DYNC2H1: variants seen among roughly 807,000 people sequenced by gnomAD.
DYNC2H1 encodes the protein cytoplasmic dynein 2 heavy chain 1.
A neutral mutation model predicts 570.0 loss-of-function variants in DYNC2H1; 410 were observed. That is an observed-to-expected ratio of 0.72 (90% CI 0.66 to 0.78). DYNC2H1 has a LOEUF of 0.78. Among genes scored for constraint, DYNC2H1 ranks in the 30% least tolerant of loss-of-function variants. DYNC2H1 has a pLI of 0.00. For synonymous variants in DYNC2H1, 1,688 were observed against 1,677.6 expected, an observed-to-expected ratio of 1.01 and a Z score of -0.15; for missense variants, 4,865 against 5,046.4, an observed-to-expected ratio of 0.96 and a Z score of 1.09.
rs533959571 is a variant in DYNC2H1, at chr11:103,386,706, T to G, written c.12157-12957T>G. Among the ~76,000 whole-genome samples, 9 of 152,280 alleles carry G rather than the reference T, an allele frequency of 5.9e-5. No homozygotes were observed. In the South Asian group the frequency reaches 1.9e-3, roughly 32 times the overall value. ...TGATGTTCCCCTTCCTGTGTACATG[T>G]GTTCTCATTGTTCAATTCCCACCTA... On this transcript the variant is annotated intron_variant, in intron 83 of 88. Coordinates refer to ENST00000375735, the MANE Select transcript of DYNC2H1 (RefSeq NM_001377.3).
chr11:103,313,646 T>G (rs1867694592), intron 79 of DYNC2H1, among the ~76,000 whole-genome samples: 1 of 152,210 alleles, frequency 6.6e-6, no homozygotes, highest in Admixed American at 6.5e-5. Flanking sequence ...TAAACTGTTT[T>G]AACCCCCAAA....
At chr11:103,149,604 C>G (rs1860433805) in intron 20 of DYNC2H1, among the ~76,000 whole-genome samples, 1 of 152,138 alleles carries the variant, frequency 6.6e-6, no homozygotes, top group African/African-American at 2.4e-5. Context: ...ATGTATCCGT[C>G]TAGTAGAAGG....
At chr11:103,327,753 C>T (rs909904204) in intron 82 of DYNC2H1, among the ~76,000 whole-genome samples, 3 of 152,144 alleles carry the variant, frequency 2.0e-5, no homozygotes, top group Admixed American at 6.5e-5. Context: ...TTATTTTGCT[C>T]CTGGGCCATT....
At chr11:103,146,751 C>T (rs1259850094) in intron 18 of DYNC2H1, among the ~76,000 whole-genome samples, 8 of 152,012 alleles carry the variant, frequency 5.3e-5, no homozygotes, top group South Asian at 2.1e-4. Context: ...TACAGGCGTG[C>T]GCCACCATGC....
At chr11:103,345,171 T>C (rs1464507301) in intron 82 of DYNC2H1, among the ~76,000 whole-genome samples, 2 of 152,222 alleles carry the variant, frequency 1.3e-5, no homozygotes, top group South Asian at 4.1e-4. Flanking sequence ...ATTATTGTGG[T>C]TGGTTTGGCT....
At chr11:103,156,244 T>TA in intron 25 of DYNC2H1, 144 bp from the exon 26 acceptor site, 2 of 744,726 alleles carry the variant, frequency 2.7e-6, no homozygotes, top group Non-Finnish European at 4.2e-6. Flanking sequence ...GAGTTGCATG[T>TA]AAAATAGAGC....
intron 69 of DYNC2H1, among the ~76,000 whole-genome samples, 189 bp from the exon 70 acceptor site, chr11:103,259,699 A>G (rs937018913): frequency 2.6e-5 from 4 of 152,296 alleles, no homozygotes; most frequent in African/African-American, 7.2e-5. Context: ...AACTCTATAC[A>G]TTAAAGAAAG....
intron 29 of DYNC2H1, among the ~76,000 whole-genome samples, chr11:103,162,459 T>C (rs1861136803): frequency 6.6e-6 from 1 of 152,216 alleles, no homozygotes; most frequent in Admixed American, 6.5e-5. Flanking sequence ...TTATATATAA[T>C]CAAGTGAGTG....
rs912813210 is a variant in DYNC2H1 at position 103,326,125 on chromosome 11, T to G, written c.12039+2135T>G. ...TAATGTTTAGTGTTGTAGTTTGGGC[T>G]TCAGTCCAATAGATGGCGCTTAGGA... On this transcript the variant is annotated intron_variant, in intron 82 of 88. Transcript: ENST00000375735. The surrounding 1 kb of genome is among the most constrained non-coding windows in gnomAD (Gnocchi z 6.1). 2.6e-5 allele frequency among the ~76,000 whole-genome samples: 4 copies of G among 152,168 alleles called. No individual in the cohort carries two copies. The highest frequency in any genetic ancestry group is 5.9e-5 in the Non-Finnish European group (4 of 68,024).
At position 103,231,430 on chromosome 11, in the gene DYNC2H1, T is replaced by C. The variant is rs948141232; in HGVS notation, c.9440+84T>C. On this transcript the variant is annotated intron_variant, in intron 60 of 88. Transcript: ENST00000375735. ...TTGATTTCTTTCTTGTTTTGACTTT[T>C]AAGATTTAGACTCTTATGTCAGATG... is the stretch of plus-strand genomic sequence containing the variant. 6.7e-6 allele frequency: 6 copies of C among 891,926 alleles called. No individual in the cohort carries two copies. The African/African-American group carries it at 6.8e-5, about 10-fold the overall frequency. The allele number at this position is 891,926 out of a possible 1,614,324, so 55.3% of individuals were successfully genotyped here.
At chr11:103,273,209 T>G (rs953072771) in intron 70 of DYNC2H1, among the ~76,000 whole-genome samples, 1 of 151,876 alleles carries the variant, frequency 6.6e-6, no homozygotes, top group Non-Finnish European at 1.5e-5. Context: ...TTTCTTTTTT[T>G]GATAGAGTCT....
chr11:103,349,601 G>A (rs2671352), intron 82 of DYNC2H1, among the ~76,000 whole-genome samples: 1 of 151,868 alleles, frequency 6.6e-6, no homozygotes, highest in Non-Finnish European at 1.5e-5. Flanking sequence ...GCCTAGTACT[G>A]CAAATAATAT....
chr11:103,399,887 A>G lies in DYNC2H1; in HGVS notation c.12366+15A>G. On this transcript the variant is annotated intron_variant, in intron 84 of 88. Transcript: ENST00000375735. ...TAAACCAAAAGGTAAGCGAGTACTA[A>G]CTGTATGTATTTTTATTTCATTGTT... 6.3e-7 allele frequency: 1 copy of G among 1,594,864 alleles called. No homozygotes were observed. The highest frequency in any genetic ancestry group is 8.6e-7 in the Non-Finnish European group (1 of 1,164,280).
chr11:103,140,505 A>G (rs1208080683), intron 17 of DYNC2H1, among the ~76,000 whole-genome samples: 1 of 152,158 alleles, frequency 6.6e-6, no homozygotes, highest in East Asian at 1.9e-4. Flanking sequence ...TTCTGGGTTG[A>G]AACTTCTTTT....
intron 78 of DYNC2H1, among the ~76,000 whole-genome samples, chr11:103,308,234 C>G (rs1295920782): frequency 6.6e-6 from 1 of 152,170 alleles, no homozygotes; most frequent in Non-Finnish European, 1.5e-5. Context: ...AAGAGTTTGA[C>G]TGCTTTAGCT....
chr11:103,375,529 C>T (rs61896832), intron 83 of DYNC2H1, among the ~76,000 whole-genome samples: 28,649 of 152,174 alleles, frequency 0.19, 2,910 homozygotes, highest in Admixed American at 0.27. Flanking sequence ...CCCTGCAAAG[C>T]CACAGAGGCA....
intron 83 of DYNC2H1, among the ~76,000 whole-genome samples, chr11:103,392,664 C>A (rs1377811845): frequency 1.3e-5 from 2 of 152,002 alleles, no homozygotes; most frequent in Admixed American, 6.6e-5. Flanking sequence ...ATCAGTCATG[C>A]ACATAAACCA....
intron 55 of DYNC2H1, among the ~76,000 whole-genome samples, chr11:103,219,188 G>C (rs964267023): frequency 6.6e-6 from 1 of 152,044 alleles, no homozygotes. Context: ...GAGTCTGGGA[G>C]CCTAATTAAC....
intron 84 of DYNC2H1, among the ~76,000 whole-genome samples, chr11:103,429,356 C>A (rs1266708686): frequency 1.3e-5 from 2 of 151,864 alleles, no homozygotes; most frequent in African/African-American, 4.8e-5. Context: ...AAAATAGATT[C>A]AAAAAATGAT....
Sources: allele counts gnomAD v4.1 joint callset (sites outside exome capture counted in the v4.1 genomes callset), GRCh38; gene constraint gnomAD v4.1.1; non-coding constraint Gnocchi (gnomAD v3.1); transcripts MANE v1.5; gene names NCBI Gene and HGNC (gene_info 2026-07-23, HGNC 2026-07-21).